The following TAS2R1 variants were observed in gnomAD, a reference collection of about 807,000 sequenced individuals.
The protein encoded by TAS2R1 is taste 2 receptor member 1.
For missense variants in TAS2R1, 370 were observed against 353.4 expected, an observed-to-expected ratio of 1.05 and a Z score of -0.38; for synonymous variants, 141 against 134.2, an observed-to-expected ratio of 1.05 and a Z score of -0.35.
At chr5:9,792,727 T>C in the TAS2R1 span, among the ~76,000 whole-genome samples, 1 of 152,258 alleles carries the variant, frequency 6.6e-6, no homozygotes, top group East Asian at 1.9e-4. Context: ...GAAAGTGGTA[T>C]GTATGATGAA....
In TAS2R1 at chr5:9,629,173, T is replaced by C; in HGVS notation, c.860A>G (p.Asn287Ser). 1 of 1,586,710 alleles carries C rather than the reference T, an allele frequency of 6.3e-7. No individual in the cohort carries two copies. Among genetic ancestry groups the C allele is most frequent in the Non-Finnish European group, 8.6e-7 (1 of 1,168,804 alleles). Residue 287 changes from asparagine (N) to serine (S), a missense_variant, in exon 1 of 1, where the codon AAT becomes AGT. By Grantham distance (46) the Asn-to-Ser change is conservative. Transcript: ENST00000382492. ...LILGNPKLKQ[N>S]AKKFLLHSKC... ...ACTGTGGAGGAGGAACTTTTTTGCATTTTGTTTCAATTTAGGATTTCCTAA... is the reference window on the plus strand; with the variant it reads ...ACTGTGGAGGAGGAACTTTTTTGCACTTTGTTTCAATTTAGGATTTCCTAA...
the TAS2R1 span, among the ~76,000 whole-genome samples, chr5:9,865,909 T>C: frequency 6.6e-6 from 1 of 152,250 alleles, no homozygotes; most frequent in Non-Finnish European, 1.5e-5. Flanking sequence ...CTGAGGCTCA[T>C]AGGCCATGAT....
chr5:9,796,332 C>A, the TAS2R1 span, among the ~76,000 whole-genome samples: 13 of 152,288 alleles, frequency 8.5e-5, no homozygotes, highest in Admixed American at 2.0e-4. Flanking sequence ...CAGGCACCAG[C>A]CCTAGCAGAA....
At chr5:9,728,786 A>C in the TAS2R1 span, among the ~76,000 whole-genome samples, 1 of 152,162 alleles carries the variant, frequency 6.6e-6, no homozygotes, top group Non-Finnish European at 1.5e-5. Flanking sequence ...TGGGGTTTGC[A>C]AGACTCAACA....
the TAS2R1 span, among the ~76,000 whole-genome samples, chr5:9,855,155 G>A: frequency 6.6e-5 from 10 of 152,156 alleles, no homozygotes; most frequent in Non-Finnish European, 1.2e-4. Flanking sequence ...TTACTTGACT[G>A]ACTTGCAATC....
At chr5:9,639,495 C>A (rs542286027) in intron 2 of TAS2R1, among the ~76,000 whole-genome samples, 1 of 151,996 alleles carries the variant, frequency 6.6e-6, no homozygotes, top group Non-Finnish European at 1.5e-5. Flanking sequence ...TGCAGCAGCA[C>A]GCCACTCTTT....
chr5:9,890,109 A>G, the TAS2R1 span, among the ~76,000 whole-genome samples: 3 of 152,100 alleles, frequency 2.0e-5, no homozygotes, highest in Non-Finnish European at 4.4e-5. Context: ...TAAAAAGAAA[A>G]AGGGACTCGG....
the TAS2R1 span, among the ~76,000 whole-genome samples, chr5:9,724,507 C>T: frequency 6.6e-6 from 1 of 152,130 alleles, no homozygotes; most frequent in Non-Finnish European, 1.5e-5. Flanking sequence ...TATATCCTAT[C>T]CCACCATGTA....
chr5:9,840,857 A>ATTTTTTTTTTTTTTTTT, the TAS2R1 span, among the ~76,000 whole-genome samples: 7 of 132,088 alleles, frequency 5.3e-5, 1 homozygote, highest in African/African-American at 2.0e-4. Context: ...TTATTTATTT[A>ATTTTTTTTTTTTTTTTT]TTTTTTTTTT....
At chr5:9,774,617 C>T in the TAS2R1 span, among the ~76,000 whole-genome samples, 1 of 152,218 alleles carries the variant, frequency 6.6e-6, no homozygotes, top group South Asian at 2.1e-4. Flanking sequence ...ATGATCTAAG[C>T]TTTTGGTCAT....
intron 1 of TAS2R1, among the ~76,000 whole-genome samples, chr5:9,682,786 C>T (rs1171477211): frequency 6.6e-6 from 1 of 152,136 alleles, no homozygotes; most frequent in Non-Finnish European, 1.5e-5. Flanking sequence ...GTTTAAAATG[C>T]CTCATTCAGC....
the TAS2R1 span, among the ~76,000 whole-genome samples, chr5:9,892,196 T>C: frequency 1.3e-5 from 2 of 152,164 alleles, no homozygotes; most frequent in South Asian, 2.1e-4. Flanking sequence ...AGCCAGCCTC[T>C]TGCCTAGATA....
At chr5:9,790,546 G>A in the TAS2R1 span, among the ~76,000 whole-genome samples, 1 of 152,092 alleles carries the variant, frequency 6.6e-6, no homozygotes, top group Admixed American at 6.5e-5. Context: ...CACATGTGTT[G>A]AAATGTAAAA....
the TAS2R1 span, among the ~76,000 whole-genome samples, chr5:9,901,879 C>T: frequency 6.6e-6 from 1 of 152,054 alleles, no homozygotes; most frequent in South Asian, 2.1e-4. Context: ...TGTGTTTTTG[C>T]TTTAACTAAC....
At chr5:9,798,820 C>G in the TAS2R1 span, among the ~76,000 whole-genome samples, 1 of 152,228 alleles carries the variant, frequency 6.6e-6, no homozygotes, top group Non-Finnish European at 1.5e-5. Flanking sequence ...GAAGCAATCT[C>G]TCCCGCAAAC....
At chr5:9,634,116 T>C (rs981662265), upstream of TAS2R1, among the ~76,000 whole-genome samples, 2 of 152,112 alleles carry the variant, frequency 1.3e-5, no homozygotes, top group Non-Finnish European at 2.9e-5. Flanking sequence ...AGGTTGTTTT[T>C]ATAAGGTGAA....
chr5:9,757,689 T>G, the TAS2R1 span, among the ~76,000 whole-genome samples: 1 of 152,156 alleles, frequency 6.6e-6, no homozygotes, highest in East Asian at 1.9e-4. Flanking sequence ...TTAGCTTAAA[T>G]TAATATTAGT....
At chr5:9,723,906 G>A in the TAS2R1 span, among the ~76,000 whole-genome samples, 1 of 152,224 alleles carries the variant, frequency 6.6e-6, no homozygotes, top group Admixed American at 6.5e-5. Context: ...ACCGAAATAA[G>A]GCAGAGGGCT....
At chr5:9,707,295 C>T (rs1353205723) in intron 1 of TAS2R1, among the ~76,000 whole-genome samples, 1 of 152,114 alleles carries the variant, frequency 6.6e-6, no homozygotes, top group African/African-American at 2.4e-5. Context: ...CCCAGCACAC[C>T]TCCAACCCCA....
Sources: allele counts gnomAD v4.1 joint callset (sites outside exome capture counted in the v4.1 genomes callset), GRCh38; gene constraint gnomAD v4.1.1; transcripts MANE v1.5; gene names NCBI Gene and HGNC (gene_info 2026-07-23, HGNC 2026-07-21).